Variants in HBS1L observed in about 807,000 individuals in gnomAD.
The protein encoded by HBS1L is HBS1-like protein.
In HBS1L, 55 loss-of-function variants were observed where a neutral mutation model predicts 88.9. The observed-to-expected ratio is 0.62, with a 90% CI of 0.50 to 0.77. The LOEUF (loss-of-function observed/expected upper bound fraction) is 0.77. HBS1L is among the 30% of genes least tolerant of loss of function. HBS1L has a pLI of 0.00. For missense variants in HBS1L, 741 were observed against 829.3 expected (o/e 0.89, Z 1.31); for synonymous variants, 267 against 288.5 (o/e 0.93, Z 0.76).
chr6:135,045,170 C>T (rs1481571477), intron 2 of HBS1L, among the ~76,000 whole-genome samples: 1 of 151,976 alleles, frequency 6.6e-6, no homozygotes, highest in African/African-American at 2.4e-5. Flanking sequence ...AGGTGGGGAG[C>T]GGTCCAAACC....
chr6:134,976,149 G>T (rs577500789), intron 15 of HBS1L, among the ~76,000 whole-genome samples: 2 of 152,138 alleles, frequency 1.3e-5, no homozygotes, highest in South Asian at 4.1e-4. Context: ...AGAAACATAT[G>T]AAAAAATGCT....
At chr6:134,977,965 T>C (rs1337320304) in intron 15 of HBS1L, among the ~76,000 whole-genome samples, 2 of 152,008 alleles carry the variant, frequency 1.3e-5, no homozygotes, top group Non-Finnish European at 2.9e-5. Flanking sequence ...ATAAGTAACA[T>C]TATTGTATAA....
At chr6:134,996,563 C>T (rs949519295) in intron 7 of HBS1L, among the ~76,000 whole-genome samples, 3 of 152,022 alleles carry the variant, frequency 2.0e-5, no homozygotes, top group Non-Finnish European at 4.4e-5. Flanking sequence ...TTCTTTTAAA[C>T]ATTCTTTTAA....
At chr6:135,054,499 T>C (rs779750204) in intron 1 of HBS1L, 150 bp downstream of exon 1, 25 of 840,234 alleles carry the variant, frequency 3.0e-5, no homozygotes, top group Non-Finnish European at 4.4e-5. Flanking sequence ...TTGAAAGCAC[T>C]AGAAGGCCTG....
chr6:134,979,591 ATAT>A (rs2114768809), intron 13 of HBS1L, among the ~76,000 whole-genome samples: 1 of 152,218 alleles, frequency 6.6e-6, no homozygotes, highest in Non-Finnish European at 1.5e-5. Context: ...TATTTCTATC[ATAT>A]TAATGGATAC....
At chr6:134,995,145 G>A (rs886403404) in intron 7 of HBS1L, among the ~76,000 whole-genome samples, 2 of 152,018 alleles carry the variant, frequency 1.3e-5, no homozygotes, top group Non-Finnish European at 2.9e-5. Context: ...CTTATTCTGA[G>A]ATCCTCCCTA....
At chr6:135,017,077 C>T (rs921981564) in intron 4 of HBS1L, among the ~76,000 whole-genome samples, 3 of 152,108 alleles carry the variant, frequency 2.0e-5, no homozygotes, top group Admixed American at 6.5e-5. Flanking sequence ...TGTTCACACC[C>T]GTTTAACATT....
intron 2 of HBS1L, among the ~76,000 whole-genome samples, chr6:135,043,588 C>T (rs1406168543): frequency 6.6e-6 from 1 of 152,066 alleles, no homozygotes; most frequent in East Asian, 1.9e-4. Flanking sequence ...GAAGGGAGGG[C>T]AAAGAAGAAA....
intron 12 of HBS1L, among the ~76,000 whole-genome samples, chr6:134,985,079 T>C (rs1369060310): frequency 6.6e-6 from 1 of 152,050 alleles, no homozygotes. Context: ...AAAAAAACTA[T>C]AAAGTTAGAA....
chr6:134,996,499 G>A (rs919949910), intron 7 of HBS1L, among the ~76,000 whole-genome samples: 3 of 152,130 alleles, frequency 2.0e-5, no homozygotes, highest in Non-Finnish European at 2.9e-5. Context: ...TTATCCCATA[G>A]AATAATCAGC....
Position 135,054,653 on chromosome 6 carries a change from A to G in HBS1L, c.39T>C (p.Asp13=). ...CGGCATGACCCTGCCACCTACCTTC[A>G]TCGTAGTTATAGCCTCGAACATTCC... The part of the protein sequence containing the change: ...RHRNVRGYNY[D]EDFEDDDLYG... Residue 13 remains aspartate, a synonymous_variant, in exon 1 of 18, where the codon GAT becomes GAC. Transcript: ENST00000367837. 6.2e-7 allele frequency: 1 copy of G among 1,614,214 alleles called. No homozygotes were observed. The highest frequency in any genetic ancestry group is 1.7e-4 in the Middle Eastern group (1 of 6,060).
chr6:135,019,880 A>T (rs1308907179), intron 4 of HBS1L, among the ~76,000 whole-genome samples: 3 of 151,952 alleles, frequency 2.0e-5, no homozygotes, highest in Non-Finnish European at 2.9e-5. Flanking sequence ...TTAATAAAGG[A>T]AAAGGAAATT....
chr6:134,980,384 C>T (rs1774794955), intron 13 of HBS1L, among the ~76,000 whole-genome samples: 2 of 151,938 alleles, frequency 1.3e-5, no homozygotes, highest in African/African-American at 2.4e-5. Flanking sequence ...GATTCTTCCT[C>T]CCAAACATGT....
intron 5 of HBS1L, among the ~76,000 whole-genome samples, chr6:135,000,482 C>T (rs1775420466): frequency 6.6e-6 from 1 of 151,928 alleles, no homozygotes; most frequent in African/African-American, 2.4e-5. Flanking sequence ...TACTTAGAAG[C>T]GAATAACTGA....
In HBS1L at chr6:134,979,255, A is replaced by G; in HGVS notation, c.1611T>C (p.His537=). The change falls in exon 14 of 18, where the codon CAT becomes CAC. Residue 537 remains histidine (H), a synonymous_variant. Transcript: ENST00000367837. ...ETCTVKGITL[H]DEPVDWAAAG... ...CTGCCGCCCAGTCGACAGGTTCATC[A>G]TGCAGAGTGATTCCTGGAAATGAGT... 8 of 1,611,596 alleles carry G rather than the reference A, an allele frequency of 5.0e-6. No individual in the cohort carries two copies. The highest frequency in any genetic ancestry group is 6.8e-6 in the Non-Finnish European group (8 of 1,178,206).
intron 8 of HBS1L, among the ~76,000 whole-genome samples, chr6:134,988,368 C>CA (rs1382751476): frequency 6.9e-6 from 1 of 145,332 alleles, no homozygotes; most frequent in Non-Finnish European, 1.5e-5. Flanking sequence ...CTCAAAAAAA[C>CA]AAAAAACAGT....
chr6:134,995,149 C>A (rs2114800699), intron 7 of HBS1L, among the ~76,000 whole-genome samples: 1 of 152,142 alleles, frequency 6.6e-6, no homozygotes, highest in South Asian at 2.1e-4. Flanking sequence ...TTCTGAGATC[C>A]TCCCTAGACT....
At chr6:135,010,693 A>T (rs1775749904) in intron 4 of HBS1L, among the ~76,000 whole-genome samples, 1 of 152,208 alleles carries the variant, frequency 6.6e-6, no homozygotes. Context: ...ATTAAGAATG[A>T]TCTGGTAGAA....
At chr6:135,016,553 A>G (rs1775927651) in intron 4 of HBS1L, among the ~76,000 whole-genome samples, 1 of 152,216 alleles carries the variant, frequency 6.6e-6, no homozygotes, top group Non-Finnish European at 1.5e-5. Flanking sequence ...CATACATCAC[A>G]ACATGATGCT....
Sources: allele counts gnomAD v4.1 joint callset (sites outside exome capture counted in the v4.1 genomes callset), GRCh38; gene constraint gnomAD v4.1.1; transcripts MANE v1.5; gene names NCBI Gene and HGNC (gene_info 2026-07-23, HGNC 2026-07-21).